The following PIGK variants were observed in gnomAD, a reference collection of about 807,000 sequenced individuals.
PIGK encodes the protein GPI-anchor transamidase.
Under a neutral mutation model 50.6 loss-of-function variants are expected in PIGK, and 42 were observed. The observed-to-expected ratio is 0.83, with a 90% CI of 0.65 to 1.07. PIGK has a LOEUF of 1.07. PIGK is among the 50% of genes least tolerant of loss of function. The pLI is 0.00. For synonymous variants in PIGK, 151 were observed against 156.0 expected (o/e 0.97, Z 0.24); for missense variants, 448 against 488.7 (o/e 0.92, Z 0.78).
intron 3 of PIGK, among the ~76,000 whole-genome samples, chr1:77,180,810 T>C (rs1003661318): frequency 5.9e-5 from 9 of 152,108 alleles, no homozygotes; most frequent in Non-Finnish European, 1.0e-4. Context: ...CAATCAGATA[T>C]AGATTTATCT....
chr1:77,212,926 GAATTT>G lies in PIGK; in HGVS notation c.94-2442_94-2438del, dbSNP rs567306865. On this transcript the variant is annotated intron_variant, in intron 1 of 10. Transcript: ENST00000370812. ...GACAGAAAATCAACAAGGAAACATT[GAATTT>G]ATTTTATTTTTGAGATGGAGTCTCA... Among the ~76,000 whole-genome samples the G allele has an allele frequency of 2.7e-3, 418 of 152,082 alleles. 1 individual carries two copies. The highest frequency in any genetic ancestry group is 9.3e-3 in the African/African-American group (385 of 41,530).
intron 10 of PIGK, among the ~76,000 whole-genome samples, chr1:77,118,610 A>AT (rs1491264073): frequency 2.0e-5 from 3 of 152,166 alleles, no homozygotes; most frequent in East Asian, 1.9e-4. Context: ...GCCATTTCGC[A>AT]TTTTTTGCAT....
In PIGK at chr1:77,092,237, T is replaced by G; in HGVS notation, c.*137A>C. 1 of 496,036 alleles carries G rather than the reference T, an allele frequency of 2.0e-6. No individual in the cohort carries two copies. The highest frequency in any genetic ancestry group is 3.6e-6 in the Non-Finnish European group (1 of 279,852). The allele number at this position is 496,036 out of a possible 1,614,324, so 30.7% of individuals were successfully genotyped here. A position where few individuals can be genotyped will look rare whatever the true frequency, so the allele number is the denominator to read the frequency against. On this transcript the variant is annotated 3_prime_UTR_variant, in exon 11 of 11. Transcript: ENST00000370812. ...ATTATTTTTCTTTAAGTTATAAAATTAATAGTTGATTCAAATTTAGTTTCC... is the reference window on the plus strand; with the variant it reads ...ATTATTTTTCTTTAAGTTATAAAATGAATAGTTGATTCAAATTTAGTTTCC...
intron 3 of PIGK, among the ~76,000 whole-genome samples, chr1:77,174,114 C>T (rs543848842): frequency 7.9e-5 from 12 of 152,298 alleles, no homozygotes; most frequent in East Asian, 1.9e-4. Flanking sequence ...GCTTAGGGAA[C>T]GAGTCCTTTC....
intron 10 of PIGK, among the ~76,000 whole-genome samples, chr1:77,111,175 C>T (rs1011717431): frequency 2.6e-5 from 4 of 152,160 alleles, no homozygotes; most frequent in Non-Finnish European, 4.4e-5. Flanking sequence ...TAAACTAGTT[C>T]AACCATTGTG....
intron 10 of PIGK, among the ~76,000 whole-genome samples, chr1:77,102,556 A>C (rs913552478): frequency 6.6e-6 from 1 of 152,160 alleles, no homozygotes; most frequent in Non-Finnish European, 1.5e-5. Flanking sequence ...GGTCTCTAGA[A>C]GCTTGATAAG....
intron 10 of PIGK, among the ~76,000 whole-genome samples, chr1:77,110,363 T>C (rs1165160702): frequency 6.6e-6 from 1 of 152,056 alleles, no homozygotes; most frequent in South Asian, 2.1e-4. Flanking sequence ...CAAACTATAC[T>C]ACAAGGCTAC....
intron 9 of PIGK, among the ~76,000 whole-genome samples, chr1:77,152,545 A>C (rs947922961): frequency 7.2e-5 from 11 of 152,124 alleles, no homozygotes; most frequent in Non-Finnish European, 1.6e-4. Flanking sequence ...AAAGGAAACA[A>C]TGTTTAAGGT....
intron 9 of PIGK, among the ~76,000 whole-genome samples, chr1:77,147,770 T>A (rs78297517): frequency 0.013 from 2,028 of 152,346 alleles, 49 homozygotes; most frequent in African/African-American, 0.047. Flanking sequence ...CTTATTACAA[T>A]CAGTCCTTAT....
chr1:77,175,909 T>C (rs1655474056), intron 3 of PIGK, among the ~76,000 whole-genome samples: 1 of 152,136 alleles, frequency 6.6e-6, no homozygotes, highest in African/African-American at 2.4e-5. Context: ...TTCTATAAAG[T>C]TTTATTAAAA....
chr1:77,186,411 C>G (rs1041200394), intron 3 of PIGK, among the ~76,000 whole-genome samples: 4 of 152,184 alleles, frequency 2.6e-5, no homozygotes, highest in Non-Finnish European at 5.9e-5. Context: ...GAGAAATGGT[C>G]CAATGTGTGA....
At chr1:77,184,880 C>A (rs2100571549) in intron 3 of PIGK, among the ~76,000 whole-genome samples, 1 of 152,326 alleles carries the variant, frequency 6.6e-6, no homozygotes, top group African/African-American at 2.4e-5. Flanking sequence ...AGTATCACAT[C>A]CTGGAGGGAC....
At chr1:77,171,208 G>A (rs577405917) in intron 3 of PIGK, among the ~76,000 whole-genome samples, 78 of 151,876 alleles carry the variant, frequency 5.1e-4, no homozygotes, top group South Asian at 1.5e-3. Flanking sequence ...AGGCTGAGGC[G>A]GGCGGATCAC....
chr1:77,215,777 TC>T (rs1557434977), intron 1 of PIGK, among the ~76,000 whole-genome samples: 2 of 152,162 alleles, frequency 1.3e-5, no homozygotes, highest in African/African-American at 4.8e-5. Flanking sequence ...TAAAATCCTT[TC>T]ATAAACAGGT....
intron 3 of PIGK, among the ~76,000 whole-genome samples, chr1:77,178,164 T>C (rs1427829480): frequency 1.3e-5 from 2 of 152,296 alleles, no homozygotes; most frequent in East Asian, 3.9e-4. Context: ...CCTTGACAGA[T>C]AAAAAATGAA....
chr1:77,199,992 G>A (rs923203658), intron 3 of PIGK, among the ~76,000 whole-genome samples: 1 of 152,116 alleles, frequency 6.6e-6, no homozygotes, highest in Non-Finnish European at 1.5e-5. Flanking sequence ...TGTAGTAGTT[G>A]TCACAACAAA....
intron 3 of PIGK, among the ~76,000 whole-genome samples, chr1:77,179,969 G>A (rs1174541259): frequency 2.0e-5 from 3 of 151,794 alleles, no homozygotes; most frequent in African/African-American, 7.3e-5. Context: ...CAGCATCACA[G>A]CAGTTATTTA....
intron 3 of PIGK, among the ~76,000 whole-genome samples, chr1:77,180,065 T>C (rs1655577063): frequency 6.6e-6 from 1 of 152,184 alleles, no homozygotes. Flanking sequence ...ACTACTGCAT[T>C]CCTATAAATA....
intron 9 of PIGK, among the ~76,000 whole-genome samples, chr1:77,150,845 ATAG>A (rs1469034362): frequency 6.6e-6 from 1 of 152,132 alleles, no homozygotes; most frequent in African/African-American, 2.4e-5. Context: ...CAAGATCAAA[ATAG>A]TAGTAAAAAA....
Sources: gnomAD v4.1 joint callset for allele counts (sites outside exome capture counted in the v4.1 genomes callset) on GRCh38, gnomAD v4.1.1 for gene constraint, MANE v1.5 for transcripts, NCBI Gene and HGNC (gene_info 2026-07-23, HGNC 2026-07-21) for gene names.